The following SGCD variants were observed in gnomAD, a reference collection of about 807,000 sequenced individuals.
SGCD encodes the protein sarcoglycan delta, also known as delta-sarcoglycan.
In SGCD, 18 loss-of-function variants were observed where a neutral mutation model predicts 36.6. The observed-to-expected ratio is 0.49, with a 90% CI of 0.34 to 0.73. The LOEUF (loss-of-function observed/expected upper bound fraction) is 0.73. SGCD is among the 30% of genes least tolerant of loss of function. SGCD has a pLI of 0.01. For missense variants in SGCD, 387 were observed against 346.7 expected, an observed-to-expected ratio of 1.12 and a Z score of -0.92; for synonymous variants, 133 against 130.6, an observed-to-expected ratio of 1.02 and a Z score of -0.12.
intron 3 of SGCD, among the ~76,000 whole-genome samples, chr5:156,137,731 G>T (rs1231658233): frequency 1.3e-5 from 2 of 151,984 alleles, no homozygotes; most frequent in Admixed American, 6.6e-5. Flanking sequence ...TATGAATTTT[G>T]TCTCAAATAT....
intron 7 of SGCD, among the ~76,000 whole-genome samples, chr5:156,680,532 C>T (rs2113681286): frequency 6.6e-6 from 1 of 152,238 alleles, no homozygotes; most frequent in Middle Eastern, 3.4e-3. Flanking sequence ...TTTTGGAAGG[C>T]TTGTCAGAAT....
chr5:156,442,819 C>T (rs550655876), intron 3 of SGCD, among the ~76,000 whole-genome samples: 4 of 152,262 alleles, frequency 2.6e-5, no homozygotes, highest in East Asian at 1.9e-4. Context: ...CAGAAAATGT[C>T]CTTGCCCTTA....
intron 4 of SGCD, among the ~76,000 whole-genome samples, chr5:156,525,136 A>G (rs57640108): frequency 0.032 from 4,885 of 152,092 alleles, 276 homozygotes; most frequent in African/African-American, 0.11. Context: ...ACTTTTTTTG[A>G]GGACGCTCCA....
intron 1 of SGCD, among the ~76,000 whole-genome samples, chr5:156,072,136 AG>A (rs1432094153): frequency 3.3e-5 from 5 of 151,604 alleles, no homozygotes; most frequent in Admixed American, 3.3e-4. Flanking sequence ...TTACATTTAA[AG>A]TTAATATTGT....
At chr5:156,596,109 A>T (rs866192165) in intron 6 of SGCD, among the ~76,000 whole-genome samples, 1 of 152,188 alleles carries the variant, frequency 6.6e-6, no homozygotes, top group African/African-American at 2.4e-5. Flanking sequence ...CTAAGGTTAA[A>T]TGAGACTCTG....
At chr5:155,783,943 C>T in the SGCD span, among the ~76,000 whole-genome samples, 1 of 152,192 alleles carries the variant, frequency 6.6e-6, no homozygotes, top group African/African-American at 2.4e-5. Flanking sequence ...GGTCTTCCCT[C>T]CTCATGATGT....
chr5:155,791,410 T>C, the SGCD span, among the ~76,000 whole-genome samples: 3 of 152,082 alleles, frequency 2.0e-5, no homozygotes, highest in Non-Finnish European at 4.4e-5. Context: ...AGTCCTAGCC[T>C]GAGCAGTCAG....
chr5:156,446,997 G>A (rs1027375070), intron 3 of SGCD, among the ~76,000 whole-genome samples: 37 of 152,128 alleles, frequency 2.4e-4, no homozygotes, highest in African/African-American at 8.9e-4. Flanking sequence ...AGCATCAGCA[G>A]AGACCATTAT....
chr5:156,383,702 T>A (rs989062621), intron 3 of SGCD, among the ~76,000 whole-genome samples: 1 of 152,110 alleles, frequency 6.6e-6, no homozygotes, highest in African/African-American at 2.4e-5. Flanking sequence ...ATGGAGAACA[T>A]ACATGGGCTC....
chr5:156,344,338 G>A, intron 2 of SGCD, 151 bp from the exon 3 acceptor site: 1 of 571,288 alleles, frequency 1.8e-6, no homozygotes, highest in Non-Finnish European at 3.0e-6. Context: ...CTTTTGTCCA[G>A]AGGAAACAGA....
At chr5:156,120,875 A>G (rs1055469993) in intron 2 of SGCD, among the ~76,000 whole-genome samples, 3 of 152,158 alleles carry the variant, frequency 2.0e-5, no homozygotes, top group South Asian at 4.1e-4. Flanking sequence ...TTTGCTTCCA[A>G]TGTTGTGTCT....
rs564651813 is a variant in SGCD, at chr5:156,713,520, C to G, written c.576-44061C>G. Among the ~76,000 whole-genome samples, 65 of 152,230 alleles carry G rather than the reference C, an allele frequency of 4.3e-4. 1 individual carries two copies. Among genetic ancestry groups the G allele is most frequent in the Admixed American group, 3.9e-4 (6 of 15,302 alleles). The stretch of plus-strand genomic sequence containing the variant: ...AGCTCTCAGAAGGAACAGACAGGAG[C>G]TTGTGGTAAACGCTTCTCTGTCAGA... On this transcript the variant is annotated intron_variant, in intron 7 of 8. Coordinates refer to ENST00000337851, the MANE Select transcript of SGCD (RefSeq NM_000337.6).
At chr5:155,865,335 T>G in the SGCD span, among the ~76,000 whole-genome samples, 1 of 152,160 alleles carries the variant, frequency 6.6e-6, no homozygotes. Context: ...AACATCTGAC[T>G]TAGAAAATAT....
At chr5:156,305,868 C>T (rs200577952) in intron 3 of SGCD, among the ~76,000 whole-genome samples, 2 of 142,442 alleles carry the variant, frequency 1.4e-5, no homozygotes, top group African/African-American at 3.0e-5. Context: ...TTTGGAGCTT[C>T]AAAATTTGAC....
chr5:156,296,351 C>A (rs2127681102), intron 3 of SGCD, among the ~76,000 whole-genome samples: 2 of 152,274 alleles, frequency 1.3e-5, no homozygotes, highest in South Asian at 4.1e-4. Flanking sequence ...TTGTATAAGA[C>A]AGTCCAATTT....
At chr5:156,702,257 C>G (rs1442988720) in intron 7 of SGCD, among the ~76,000 whole-genome samples, 1 of 152,104 alleles carries the variant, frequency 6.6e-6, no homozygotes, top group Non-Finnish European at 1.5e-5. Context: ...TTGCTTCATT[C>G]ATGCCACTGT....
At chr5:156,653,188 C>T (rs1763527152) in intron 7 of SGCD, among the ~76,000 whole-genome samples, 1 of 152,058 alleles carries the variant, frequency 6.6e-6, no homozygotes, top group Non-Finnish European at 1.5e-5. Context: ...CTTCTTTGTA[C>T]ATCTGGTAGA....
At chr5:155,734,472 A>C in the SGCD span, among the ~76,000 whole-genome samples, 5 of 152,054 alleles carry the variant, frequency 3.3e-5, no homozygotes, top group African/African-American at 1.2e-4. Context: ...TTGGCCTCGC[A>C]AAGTTTTGGG....
chr5:156,225,225 A>G (rs988015268), intron 3 of SGCD, among the ~76,000 whole-genome samples: 3 of 152,134 alleles, frequency 2.0e-5, no homozygotes, highest in African/African-American at 7.2e-5. Flanking sequence ...ATCCAGTACA[A>G]GACCTGATTC....
Sources: gnomAD v4.1 joint callset for allele counts (sites outside exome capture counted in the v4.1 genomes callset) on GRCh38, gnomAD v4.1.1 for gene constraint, MANE v1.5 for transcripts, NCBI Gene and HGNC (gene_info 2026-07-23, HGNC 2026-07-21) for gene names.